Variants in FRAS1 observed in about 807,000 individuals in gnomAD.
FRAS1 encodes the protein extracellular matrix organizing protein FRAS1.
FRAS1 carries 290 observed loss-of-function variants against 435.2 expected under a neutral mutation model. The observed-to-expected ratio is 0.67, with a 90% CI of 0.61 to 0.73. The LOEUF is 0.73. Among genes scored for constraint, FRAS1 ranks in the 30% least tolerant of loss-of-function variants. The probability of loss-of-function intolerance (pLI) is 0.00; values close to 1 mark genes in which losing one functional copy is unlikely to be tolerated. For synonymous variants in FRAS1, 1,800 were observed against 1,851.0 expected (o/e 0.97, Z 0.71); for missense variants, 4,860 against 5,001.5 (o/e 0.97, Z 0.85).
chr4:78,172,755 T>C (rs1721611411), intron 2 of FRAS1, among the ~76,000 whole-genome samples: 1 of 145,638 alleles, frequency 6.9e-6, no homozygotes, highest in Non-Finnish European at 1.5e-5. Flanking sequence ...AAAGTCACCA[T>C]TTTTTTTTTA....
intron 66 of FRAS1, among the ~76,000 whole-genome samples, chr4:78,517,066 C>T (rs1721235155): frequency 6.6e-6 from 1 of 152,190 alleles, no homozygotes; most frequent in Non-Finnish European, 1.5e-5. Flanking sequence ...GCAGTTATCT[C>T]AATGAGCTAA....
rs1288443478 is a variant in FRAS1, at chr4:78,522,728, A to G, written c.10728A>G (p.Glu3576=). The change falls in exon 69 of 74, where the codon GAA becomes GAG. Residue 3576 remains glutamate, a synonymous_variant. Coordinates refer to ENST00000512123, the MANE Select transcript of FRAS1 (RefSeq NM_025074.7). Reference sequence around the variant, plus strand: ...CTCCAGACCACCTAGGAGGAATTGAATTTGACTTGCAGCTATTATGGAGCG... The same window carrying G: ...CTCCAGACCACCTAGGAGGAATTGAGTTTGACTTGCAGCTATTATGGAGCG... ...VLTPDHLGGI[E]FDLQLLWSAQ... 3.1e-6 allele frequency: 5 copies of G among 1,612,380 alleles called. No homozygotes were observed. The highest frequency in any genetic ancestry group is 2.2e-5 in the East Asian group (1 of 44,832).
At chr4:78,242,352 C>T (rs1259384814) in intron 3 of FRAS1, among the ~76,000 whole-genome samples, 1 of 152,174 alleles carries the variant, frequency 6.6e-6, no homozygotes, top group African/African-American at 2.4e-5. Flanking sequence ...CTTTCAACAG[C>T]ATGTGTTGCT....
At chr4:78,476,838 G>A (rs190801634) in intron 54 of FRAS1, among the ~76,000 whole-genome samples, 1 of 152,070 alleles carries the variant, frequency 6.6e-6, no homozygotes, top group Non-Finnish European at 1.5e-5. Flanking sequence ...TTGCAGATTT[G>A]TGTGTCCCCA....
At chr4:78,162,798 T>C (rs1231737240) in intron 2 of FRAS1, among the ~76,000 whole-genome samples, 1 of 152,228 alleles carries the variant, frequency 6.6e-6, no homozygotes, top group Non-Finnish European at 1.5e-5. Context: ...GAAGCTGTTT[T>C]TCCTGAAAAG....
At chr4:78,505,130 C>G (rs1210344246) in intron 61 of FRAS1, among the ~76,000 whole-genome samples, 1 of 152,202 alleles carries the variant, frequency 6.6e-6, no homozygotes, top group African/African-American at 2.4e-5. Flanking sequence ...TGTGGGTAAT[C>G]CGACCTTTCT....
intron 20 of FRAS1, among the ~76,000 whole-genome samples, chr4:78,345,383 G>C (rs1052513672): frequency 1.1e-4 from 16 of 152,116 alleles, no homozygotes; most frequent in East Asian, 1.9e-4. Flanking sequence ...ACTTGAATCA[G>C]CTGTCCTCAT....
At chr4:78,204,227 C>T (rs1231515003) in intron 2 of FRAS1, among the ~76,000 whole-genome samples, 3 of 152,116 alleles carry the variant, frequency 2.0e-5, no homozygotes, top group Admixed American at 2.0e-4. Context: ...CTATATTTCC[C>T]CTAAGAGCAG....
Position 78,237,534 on chromosome 4 carries a change from T to C in FRAS1, c.133T>C (p.Ser45Pro), listed in dbSNP as rs1724813122. The change falls in exon 3 of 74, where the codon TCA (serine) becomes CCA (proline). Residue 45 changes from serine (S) to proline (P), a missense_variant. Physicochemically the swap from Ser to Pro is moderately conservative, Grantham distance 74. Transcript: ENST00000512123. ...GGATGCCACAATTTGGAAGCCCGAT[T>C]CATGCCAGAGCTGCCGTTGCCATGG... is the stretch of plus-strand genomic sequence containing the variant. ...LADATIWKPDSCQSCRCHGDI... is the reference protein window; with the variant it reads ...LADATIWKPDPCQSCRCHGDI... 4.3e-6 allele frequency: 7 copies of C among 1,613,330 alleles called. No individual in the cohort carries two copies. The East Asian group carries it at 1.6e-4, about 36-fold the overall frequency.
chr4:78,220,402 C>T (rs1048103066), intron 2 of FRAS1, among the ~76,000 whole-genome samples: 1 of 152,208 alleles, frequency 6.6e-6, no homozygotes, highest in East Asian at 1.9e-4. Flanking sequence ...GATTTATTTA[C>T]ATACTGTCTG....
At chr4:78,428,559 G>A (rs1734084602) in intron 35 of FRAS1, among the ~76,000 whole-genome samples, 1 of 152,106 alleles carries the variant, frequency 6.6e-6, no homozygotes. Flanking sequence ...TCCTGACCTC[G>A]TGATCCGCCT....
At chr4:78,133,563 A>G (rs541039088) in intron 2 of FRAS1, among the ~76,000 whole-genome samples, 1 of 152,304 alleles carries the variant, frequency 6.6e-6, no homozygotes, top group East Asian at 1.9e-4. Flanking sequence ...GTTTGAGGGA[A>G]CAGATACCCC....
At chr4:78,319,121 G>C in intron 18 of FRAS1, 135 bp downstream of exon 18, 1 of 863,480 alleles carries the variant, frequency 1.2e-6, no homozygotes, top group Non-Finnish European at 1.8e-6. Flanking sequence ...TAAAGCAGGA[G>C]ACCAACGTGC....
chr4:78,081,979 G>A (rs1005033829), intron 2 of FRAS1, among the ~76,000 whole-genome samples: 7 of 151,716 alleles, frequency 4.6e-5, no homozygotes, highest in Non-Finnish European at 5.9e-5. Context: ...TTTTTTTCCC[G>A]CATCTTACTC....
intron 4 of FRAS1, among the ~76,000 whole-genome samples, chr4:78,250,030 G>T (rs1725456407): frequency 6.6e-6 from 1 of 151,832 alleles, no homozygotes; most frequent in Non-Finnish European, 1.5e-5. Flanking sequence ...TTAAATATAT[G>T]TAGTCAAATA....
At chr4:78,267,462 C>G in intron 9 of FRAS1, 30 bp downstream of exon 9, 1 of 1,597,230 alleles carries the variant, frequency 6.3e-7, no homozygotes, top group Non-Finnish European at 8.5e-7. Context: ...CCATTTGGAA[C>G]GTTGCAGCTC....
chr4:78,295,154 T>C (rs1728088047), intron 14 of FRAS1, among the ~76,000 whole-genome samples: 1 of 152,246 alleles, frequency 6.6e-6, no homozygotes, highest in African/African-American at 2.4e-5. Context: ...TAGCCAATCC[T>C]CTATGGTTTG....
chr4:78,254,102 G>A (rs1034875467), intron 5 of FRAS1, among the ~76,000 whole-genome samples: 3 of 151,874 alleles, frequency 2.0e-5, no homozygotes, highest in Admixed American at 6.6e-5. Flanking sequence ...GCAAGCCAGA[G>A]TCAGACTTTT....
In FRAS1 at chr4:78,384,156, G is replaced by A. The variant is rs751432764; in HGVS notation, c.3648+13G>A. On this transcript the variant is annotated intron_variant, in intron 28 of 73. Transcript: ENST00000512123. Reference sequence around the variant, plus strand: ...ATTTTCAACACAGGTAATAAAAATGGCCACGTAATTAATAATTTTACATGA... The same window carrying A: ...ATTTTCAACACAGGTAATAAAAATGACCACGTAATTAATAATTTTACATGA... 3 of 1,542,502 alleles carry A rather than the reference G, an allele frequency of 1.9e-6. No homozygotes were observed. The highest frequency in any genetic ancestry group is 1.8e-6 in the Non-Finnish European group (2 of 1,139,148).
Sources: allele counts gnomAD v4.1 joint callset (sites outside exome capture counted in the v4.1 genomes callset), GRCh38; gene constraint gnomAD v4.1.1; transcripts MANE v1.5; gene names NCBI Gene and HGNC (gene_info 2026-07-23, HGNC 2026-07-21).